Variants in GDAP2 observed in about 807,000 individuals in gnomAD.
The protein encoded by GDAP2 is ganglioside-induced differentiation-associated protein 2.
GDAP2 carries 51 observed loss-of-function variants against 67.0 expected under a neutral mutation model. The observed-to-expected ratio is 0.76, with a 90% CI of 0.61 to 0.96. The LOEUF (loss-of-function observed/expected upper bound fraction) is 0.96. GDAP2 is among the 40% of genes least tolerant of loss of function. GDAP2 has a pLI of 0.00. For missense variants in GDAP2, 547 were observed against 588.3 expected, an observed-to-expected ratio of 0.93 and a Z score of 0.73; for synonymous variants, 203 against 207.3, an observed-to-expected ratio of 0.98 and a Z score of 0.18.
intron 5 of GDAP2, among the ~76,000 whole-genome samples, chr1:117,911,280 T>C (rs534937668): frequency 1.4e-4 from 22 of 152,326 alleles, no homozygotes; most frequent in African/African-American, 5.3e-4. Flanking sequence ...ATACAGGCAT[T>C]TGGCTCATAT....
intron 7 of GDAP2, 140 bp downstream of exon 7, chr1:117,898,917 A>T: frequency 1.5e-6 from 1 of 664,804 alleles, no homozygotes; most frequent in Non-Finnish European, 2.7e-6. Context: ...GAACTTGAAA[A>T]CTTCTAAACT....
rs557269529 is a variant in GDAP2 at position 117,906,487 on chromosome 1, G to A, written c.636+19C>T. 325 of 1,308,902 alleles carry A rather than the reference G, an allele frequency of 2.5e-4. 2 individuals are homozygous for A. In the South Asian group the frequency reaches 2.9e-3, roughly 12 times the overall value. The allele number at this position is 1,308,902 out of a possible 1,614,324, so 81.1% of individuals were successfully genotyped here. A position where few individuals can be genotyped will look rare whatever the true frequency, so the allele number is the denominator to read the frequency against. On this transcript the variant is annotated intron_variant, in intron 6 of 13. Transcript: ENST00000369443. ...AAGATAGAAATAAGATTTAAATAAC[G>A]TAACAGTTAGCAAAATACCTCTTCA... is the stretch of plus-strand genomic sequence containing the variant.
chr1:117,867,114 C>A lies in GDAP2; in HGVS notation c.*3455G>T, dbSNP rs573518378. On this transcript the variant is annotated 3_prime_UTR_variant, in exon 14 of 14. Transcript: ENST00000369443. ...TACAAAGAGTGATCTTTAGTTTATG[C>A]TGAATACTTAATTTTATCACTTCTC... The A allele has an allele frequency of 5.3e-5, 8 of 152,122 alleles. No individual in the cohort carries two copies. The South Asian group carries it at 6.2e-4, about 12-fold the overall frequency. 9.4% of individuals were successfully genotyped at this position (152,122 alleles called of 1,614,324 possible).
intron 5 of GDAP2, among the ~76,000 whole-genome samples, 154 bp downstream of exon 5, chr1:117,911,840 A>C (rs550463294): frequency 6.6e-6 from 1 of 151,852 alleles, no homozygotes; most frequent in Non-Finnish European, 1.5e-5. Context: ...CATAGATGCA[A>C]TCACAGCTCA....
chr1:117,872,968 C>A (rs1415872832), intron 13 of GDAP2, among the ~76,000 whole-genome samples: 1 of 152,144 alleles, frequency 6.6e-6, no homozygotes, highest in Non-Finnish European at 1.5e-5. Context: ...TGAATCTATT[C>A]TGAGTTTCAT....
At chr1:117,886,775 G>A (rs1648871195) in intron 9 of GDAP2, 122 bp from the exon 10 acceptor site, 1 of 622,718 alleles carries the variant, frequency 1.6e-6, no homozygotes, top group Admixed American at 2.8e-5. Flanking sequence ...GGAAGTATAA[G>A]TTGCTCAAAT....
chr1:117,874,756 T>C (rs1038924366), intron 13 of GDAP2, among the ~76,000 whole-genome samples: 5 of 152,146 alleles, frequency 3.3e-5, no homozygotes, highest in African/African-American at 1.2e-4. Context: ...AAAATGCTGA[T>C]AGAAATACAG....
rs1288323081 is a variant in GDAP2, at chr1:117,866,455, T to A, written c.*4114A>T. On this transcript the variant is annotated 3_prime_UTR_variant, in exon 14 of 14. Coordinates refer to ENST00000369443, the MANE Select transcript of GDAP2 (RefSeq NM_017686.4). ...AGCCCTCCTTTCATTCTTCATGGTCTTTTTGCAAAACAAGAGTTAATTATA... is the reference window on the plus strand; with the variant it reads ...AGCCCTCCTTTCATTCTTCATGGTCATTTTGCAAAACAAGAGTTAATTATA... 2.0e-5 allele frequency: 3 copies of A among 152,200 alleles called. No individual in the cohort carries two copies. Among genetic ancestry groups the A allele is most frequent in the Non-Finnish European group, 4.4e-5 (3 of 68,032 alleles). 9.4% of individuals were successfully genotyped at this position (152,200 alleles called of 1,614,324 possible). A position where few individuals can be genotyped will look rare whatever the true frequency, so the allele number is the denominator to read the frequency against.
At chr1:117,905,571 T>C (rs1570984752) in intron 6 of GDAP2, among the ~76,000 whole-genome samples, 1 of 152,286 alleles carries the variant, frequency 6.6e-6, no homozygotes, top group Middle Eastern at 3.4e-3. Flanking sequence ...TTAATGCACT[T>C]ATCACAATTA....
chr1:117,921,647 A>G (rs1248439661), intron 1 of GDAP2, among the ~76,000 whole-genome samples: 1 of 152,216 alleles, frequency 6.6e-6, no homozygotes, highest in Admixed American at 6.5e-5. Context: ...GAAAAACCAG[A>G]GGATACTGTT....
chr1:117,887,670 G>T (rs754496668), intron 9 of GDAP2, 28 bp downstream of exon 9: 11 of 1,100,020 alleles, frequency 1.0e-5, no homozygotes, highest in Admixed American at 1.7e-5. Context: ...ATTAGTGAAA[G>T]AATAAGTTAC....
At chr1:117,912,934 T>C (rs1185992795) in intron 3 of GDAP2, among the ~76,000 whole-genome samples, 1 of 152,086 alleles carries the variant, frequency 6.6e-6, no homozygotes, top group African/African-American at 2.4e-5. Context: ...CATCAAAATT[T>C]TGGAAGGTAG....
intron 3 of GDAP2, 55 bp from the exon 4 acceptor site, chr1:117,912,738 A>C: frequency 7.0e-7 from 1 of 1,426,906 alleles, no homozygotes; most frequent in Non-Finnish European, 9.8e-7. Flanking sequence ...ACAGAAACAA[A>C]AACAAATGAA....
intron 8 of GDAP2, among the ~76,000 whole-genome samples, chr1:117,893,799 C>A (rs769979650): frequency 6.6e-6 from 1 of 152,072 alleles, no homozygotes; most frequent in African/African-American, 2.4e-5. Context: ...AAAACACAGA[C>A]ATTTTTATGT....
chr1:117,908,497 G>A (rs1649735403), intron 5 of GDAP2, among the ~76,000 whole-genome samples: 1 of 151,966 alleles, frequency 6.6e-6, no homozygotes, highest in African/African-American at 2.4e-5. Context: ...CCTCTATTCT[G>A]CTTTAATGCT....
At chr1:117,899,590 C>T (rs566969763) in intron 6 of GDAP2, among the ~76,000 whole-genome samples, 1 of 152,224 alleles carries the variant, frequency 6.6e-6, no homozygotes, top group South Asian at 2.1e-4. Context: ...GTCCGTTCAA[C>T]CATGTTTAGC....
chr1:117,887,433 T>C (rs957708825), intron 9 of GDAP2, among the ~76,000 whole-genome samples: 3 of 152,178 alleles, frequency 2.0e-5, no homozygotes, highest in Admixed American at 6.5e-5. Flanking sequence ...AGCAAGCATA[T>C]GGTACTTTTA....
intron 12 of GDAP2, among the ~76,000 whole-genome samples, chr1:117,881,519 A>G (rs1246658337): frequency 2.0e-5 from 3 of 152,184 alleles, no homozygotes. Flanking sequence ...GTCAAACAGG[A>G]GGTAGCCATG....
intron 5 of GDAP2, 114 bp downstream of exon 5, chr1:117,911,880 A>G (rs1275612583): frequency 7.9e-6 from 5 of 636,056 alleles, no homozygotes; most frequent in Non-Finnish European, 1.2e-5. Flanking sequence ...TCCTCAAGTG[A>G]TTCTCCTGCC....
Sources: gnomAD v4.1 joint callset for allele counts (sites outside exome capture counted in the v4.1 genomes callset) on GRCh38, gnomAD v4.1.1 for gene constraint, MANE v1.5 for transcripts, NCBI Gene and HGNC (gene_info 2026-07-23, HGNC 2026-07-21) for gene names.